The following KCNH8 variants were observed in gnomAD, a reference collection of about 807,000 sequenced individuals.
The protein encoded by KCNH8 is potassium voltage-gated channel subfamily H member 8.
A neutral mutation model predicts 103.6 loss-of-function variants in KCNH8; 70 were observed. The ratio of observed to expected loss-of-function variants is 0.68; its 90% CI spans 0.56 to 0.82. The LOEUF (loss-of-function observed/expected upper bound fraction) is 0.82, where lower values mean the gene tolerates loss of function less well. Among genes scored for constraint, KCNH8 ranks in the 40% least tolerant of loss-of-function variants. The pLI is 0.00. For missense variants in KCNH8, 1,217 were observed against 1,329.9 expected (o/e 0.92, Z 1.32); for synonymous variants, 498 against 489.4 (o/e 1.02, Z -0.23).
intron 11 of KCNH8, among the ~76,000 whole-genome samples, chr3:19,484,870 T>C (rs926256926): frequency 2.6e-5 from 4 of 152,046 alleles, no homozygotes; most frequent in Non-Finnish European, 5.9e-5. Context: ...TCTCGGGGAG[T>C]GCCTGGAAGT....
At chr3:19,279,109 A>G (rs1486456182) in intron 2 of KCNH8, among the ~76,000 whole-genome samples, 1 of 152,120 alleles carries the variant, frequency 6.6e-6, no homozygotes, top group Non-Finnish European at 1.5e-5. Context: ...TTGTGTCCCC[A>G]CTATTACTTT....
chr3:19,179,071 A>T (rs2063427376), intron 1 of KCNH8, among the ~76,000 whole-genome samples: 1 of 152,110 alleles, frequency 6.6e-6, no homozygotes, highest in Non-Finnish European at 1.5e-5. Context: ...AGTGTAATAA[A>T]CATTTTTTTT....
intron 11 of KCNH8, among the ~76,000 whole-genome samples, chr3:19,503,061 G>T (rs2068620466): frequency 6.6e-6 from 1 of 151,422 alleles, no homozygotes; most frequent in Non-Finnish European, 1.5e-5. Flanking sequence ...AATCTACAAT[G>T]AACTCAAACA....
At position 19,343,035 on chromosome 3, in the gene KCNH8, G is replaced by A. The variant is rs151252385; in HGVS notation, c.570+321G>A. ...TGAAACAAAAATGATGCAGCAAGTC[G>A]TATTACACATTCATAGTTTATTGGT... On this transcript the variant is annotated intron_variant, in intron 4 of 15. Coordinates refer to ENST00000328405, the MANE Select transcript of KCNH8 (RefSeq NM_144633.3). Among the ~76,000 whole-genome samples the A allele has an allele frequency of 3.3e-5, 5 of 152,166 alleles. No homozygotes were observed. The East Asian group carries it at 5.8e-4, about 18-fold the overall frequency.
chr3:19,254,988 A>T (rs1171015686), intron 2 of KCNH8, among the ~76,000 whole-genome samples: 1 of 152,144 alleles, frequency 6.6e-6, no homozygotes, highest in Admixed American at 6.6e-5. Flanking sequence ...TTGACGTCAT[A>T]ATCCCCAATA....
At chr3:19,176,553 A>T (rs1433447807) in intron 1 of KCNH8, among the ~76,000 whole-genome samples, 1 of 152,150 alleles carries the variant, frequency 6.6e-6, no homozygotes, top group Non-Finnish European at 1.5e-5. Flanking sequence ...TATCTTTAAA[A>T]TTATCAGAGA....
intron 8 of KCNH8, among the ~76,000 whole-genome samples, chr3:19,444,866 C>T (rs937332602): frequency 2.6e-5 from 4 of 151,936 alleles, no homozygotes; most frequent in Non-Finnish European, 5.9e-5. Context: ...GATAATGAAA[C>T]ACCTTGACCT....
intron 3 of KCNH8, among the ~76,000 whole-genome samples, chr3:19,341,711 T>C (rs1296740877): frequency 6.6e-6 from 1 of 152,116 alleles, no homozygotes; most frequent in Non-Finnish European, 1.5e-5. Context: ...AGCATGCTCA[T>C]CCACACTCAT....
rs571651851 is a variant in KCNH8 at position 19,281,987 on chromosome 3, A to G, written c.442+658A>G. On this transcript the variant is annotated intron_variant, in intron 3 of 15. Transcript: ENST00000328405. ...AAAAGTTAACACTGAAAAACTGCTG[A>G]TATTATTTGTTTTAAACCAAAGTAG... Among the ~76,000 whole-genome samples the G allele has an allele frequency of 6.6e-5, 10 of 152,174 alleles. No individual in the cohort carries two copies. In the South Asian group the frequency reaches 2.1e-3, roughly 32 times the overall value.
intron 7 of KCNH8, among the ~76,000 whole-genome samples, chr3:19,400,095 T>C (rs1357939945): frequency 6.6e-6 from 1 of 151,644 alleles, no homozygotes; most frequent in Admixed American, 6.6e-5. Context: ...AATCACATGC[T>C]CAGACACAGA....
At chr3:19,165,590 C>CAAGAGAGGT (rs1449234744) in intron 1 of KCNH8, among the ~76,000 whole-genome samples, 1 of 152,142 alleles carries the variant, frequency 6.6e-6, no homozygotes, top group Non-Finnish European at 1.5e-5. Context: ...TTTATTCTAA[C>CAAGAGAGGT]AAGAGAGGTA....
intron 5 of KCNH8, among the ~76,000 whole-genome samples, chr3:19,379,499 G>T (rs2066259820): frequency 6.6e-6 from 1 of 151,984 alleles, no homozygotes; most frequent in Non-Finnish European, 1.5e-5. Flanking sequence ...AATTACTCAG[G>T]CGTGGTGGCA....
chr3:19,522,664 T>A (rs1318161135), intron 15 of KCNH8, among the ~76,000 whole-genome samples: 1 of 151,830 alleles, frequency 6.6e-6, no homozygotes, highest in Non-Finnish European at 1.5e-5. Flanking sequence ...AAATTTACTA[T>A]CACATCCAAC....
chr3:19,503,634 T>C (rs1419792027), intron 11 of KCNH8, among the ~76,000 whole-genome samples: 1 of 152,124 alleles, frequency 6.6e-6, no homozygotes, highest in Non-Finnish European at 1.5e-5. Flanking sequence ...TGTAGGGACA[T>C]GGATTAAATT....
At chr3:19,160,854 G>A (rs2063226931) in intron 1 of KCNH8, among the ~76,000 whole-genome samples, 2 of 151,984 alleles carry the variant, frequency 1.3e-5, no homozygotes, top group South Asian at 2.1e-4. Context: ...CAACTGTTGC[G>A]GTTTCACAGT....
intron 1 of KCNH8, among the ~76,000 whole-genome samples, chr3:19,169,667 C>G (rs978654686): frequency 6.6e-6 from 1 of 152,124 alleles, no homozygotes; most frequent in Non-Finnish European, 1.5e-5. Context: ...CCCTTTGGAC[C>G]CTGGAGGCAT....
chr3:19,512,936 A>G, intron 12 of KCNH8, 34 bp from the exon 13 acceptor site: 1 of 1,577,136 alleles, frequency 6.3e-7, no homozygotes, highest in Non-Finnish European at 8.6e-7. Context: ...CGGTTTTTGC[A>G]GTCTGTACTA....
intron 3 of KCNH8, among the ~76,000 whole-genome samples, chr3:19,295,067 A>G (rs1019460961): frequency 1.3e-5 from 2 of 152,240 alleles, no homozygotes; most frequent in Middle Eastern, 3.4e-3. Flanking sequence ...TAAATGACCA[A>G]TTCATTGAAA....
chr3:19,186,262 A>G (rs572669561), intron 1 of KCNH8, among the ~76,000 whole-genome samples: 197 of 150,664 alleles, frequency 1.3e-3, no homozygotes, highest in Non-Finnish European at 2.2e-3. Flanking sequence ...TTTATTTTAT[A>G]TGGAATGCTC....
Sources: allele counts gnomAD v4.1 joint callset (sites outside exome capture counted in the v4.1 genomes callset), GRCh38; gene constraint gnomAD v4.1.1; transcripts MANE v1.5; gene names NCBI Gene and HGNC (gene_info 2026-07-23, HGNC 2026-07-21).